Variants in ADAM22 observed in about 807,000 individuals in gnomAD.
ADAM22 encodes ADAM metallopeptidase domain 22, also known as disintegrin and metalloproteinase domain-containing protein 22.
Under a neutral mutation model 144.6 loss-of-function variants are expected in ADAM22, and 65 were observed. The ratio of observed to expected loss-of-function variants is 0.45; its 90% CI spans 0.37 to 0.55. The LOEUF (loss-of-function observed/expected upper bound fraction) is 0.55, where lower values mean the gene tolerates loss of function less well. Ranked by LOEUF, ADAM22 falls within the 20% of genes least tolerant of loss-of-function variation. The pLI, the probability that ADAM22 is intolerant of heterozygous loss-of-function variation, is 0.00. For missense variants in ADAM22, 974 were observed against 1,184.9 expected, an observed-to-expected ratio of 0.82 and a Z score of 2.61; for synonymous variants, 391 against 412.6, an observed-to-expected ratio of 0.95 and a Z score of 0.63.
intron 3 of ADAM22, among the ~76,000 whole-genome samples, chr7:88,039,958 T>C (rs1165045835): frequency 6.6e-6 from 1 of 151,884 alleles, no homozygotes; most frequent in African/African-American, 2.4e-5. Context: ...TATCCAAGCC[T>C]GAGTCAGTGT....
chr7:87,934,799 A>T (rs1474375606), intron 1 of ADAM22: 14 of 680,164 alleles, frequency 2.1e-5, no homozygotes, highest in Non-Finnish European at 4.9e-6. Context: ...GGAGAATGGG[A>T]AAGGGGTGCC....
At chr7:88,003,464 G>A (rs1413519282) in intron 3 of ADAM22, among the ~76,000 whole-genome samples, 2 of 152,194 alleles carry the variant, frequency 1.3e-5, no homozygotes, top group African/African-American at 4.8e-5. Context: ...AAACTTATTA[G>A]AAAATAGAGT....
At chr7:87,970,744 C>T (rs750123024) in intron 2 of ADAM22, among the ~76,000 whole-genome samples, 1 of 152,128 alleles carries the variant, frequency 6.6e-6, no homozygotes, top group Non-Finnish European at 1.5e-5. Context: ...ATATTAATTC[C>T]GCATTTTAAT....
chr7:88,162,990 T>A, intron 22 of ADAM22, 22 bp from the exon 23 acceptor site: 1 of 1,598,932 alleles, frequency 6.3e-7, no homozygotes, highest in South Asian at 1.1e-5. Flanking sequence ...AGATTCATTT[T>A]TTGCTCTCAA....
At chr7:88,061,989 G>C (rs1238663341) in intron 3 of ADAM22, among the ~76,000 whole-genome samples, 1 of 151,816 alleles carries the variant, frequency 6.6e-6, no homozygotes, top group Non-Finnish European at 1.5e-5. Flanking sequence ...CTACAGGTGT[G>C]TACCACCACA....
chr7:87,954,310 C>T (rs1846069994), intron 2 of ADAM22, among the ~76,000 whole-genome samples: 1 of 151,888 alleles, frequency 6.6e-6, no homozygotes. Flanking sequence ...TTAGTGCTTC[C>T]TTTAGGAGCT....
At chr7:87,965,160 T>C (rs911871533) in intron 2 of ADAM22, among the ~76,000 whole-genome samples, 2 of 152,220 alleles carry the variant, frequency 1.3e-5, no homozygotes, top group African/African-American at 4.8e-5. Context: ...ATTCTCTTGT[T>C]TGGTGTCCCA....
chr7:87,996,392 T>C (rs1160215290), intron 3 of ADAM22, among the ~76,000 whole-genome samples: 2 of 152,210 alleles, frequency 1.3e-5, no homozygotes, highest in Admixed American at 6.5e-5. Flanking sequence ...AGTTTGCAGA[T>C]AGCTACCTTC....
intron 3 of ADAM22, among the ~76,000 whole-genome samples, chr7:88,014,617 C>A (rs1796152368): frequency 6.6e-6 from 1 of 152,088 alleles, no homozygotes; most frequent in African/African-American, 2.4e-5. Flanking sequence ...GTGGCAGACA[C>A]CTGTAATCCC....
chr7:87,993,983 A>G (rs2021741), intron 3 of ADAM22, among the ~76,000 whole-genome samples: 79,265 of 152,006 alleles, frequency 0.52, 20,951 homozygotes, highest in Non-Finnish European at 0.53. Flanking sequence ...CATTTAGAGA[A>G]AAAACAAAAT....
intron 2 of ADAM22, among the ~76,000 whole-genome samples, chr7:87,955,931 C>G (rs1846593958): frequency 6.6e-6 from 1 of 152,204 alleles, no homozygotes; most frequent in Admixed American, 6.5e-5. Context: ...CCCTCTGAGC[C>G]AGGTGCGGGA....
intron 26 of ADAM22, among the ~76,000 whole-genome samples, chr7:88,176,629 G>A (rs556616310): frequency 3.9e-5 from 6 of 152,316 alleles, no homozygotes; most frequent in Admixed American, 2.0e-4. Context: ...CTCAGTGTCA[G>A]CTAAGTGAGG....
chr7:87,934,992 C>A (rs1458373144), intron 1 of ADAM22, 34 bp from the exon 2 acceptor site: 1 of 1,613,950 alleles, frequency 6.2e-7, no homozygotes, highest in South Asian at 1.1e-5. Flanking sequence ...CGCCTTTTCT[C>A]TCCACTCCCT....
chr7:87,960,890 G>A (rs982176028), intron 2 of ADAM22, among the ~76,000 whole-genome samples: 7 of 152,138 alleles, frequency 4.6e-5, no homozygotes, highest in Non-Finnish European at 1.0e-4. Flanking sequence ...AACATTTATT[G>A]AGGTCCTACT....
chr7:87,955,884 C>T (rs1447205690), intron 2 of ADAM22, among the ~76,000 whole-genome samples: 1 of 152,194 alleles, frequency 6.6e-6, no homozygotes, highest in Non-Finnish European at 1.5e-5. Context: ...TCTCAGACTG[C>T]TGTGCTAGCA....
Position 88,181,946 on chromosome 7 carries a change from C to T in ADAM22, c.2597-12C>T, listed in dbSNP as rs765537632. 18 of 1,611,434 alleles carry T rather than the reference C, an allele frequency of 1.1e-5. No homozygotes were observed. Among genetic ancestry groups the T allele is most frequent in the Middle Eastern group, 1.7e-4 (1 of 6,038 alleles). ...TTTACATGGAAATCTAGCTCTAAAC[C>T]GTCTTTTTCAGGTAACCTGGGAGGC... On this transcript the variant is annotated splice_polypyrimidine_tract_variant and intron_variant, in intron 28 of 31. Transcript: ENST00000413139.
intron 11 of ADAM22, chr7:88,131,652 T>A (rs1261182054): frequency 1.8e-6 from 1 of 551,734 alleles, no homozygotes; most frequent in African/African-American, 1.9e-5. Context: ...TAATGTTTAA[T>A]TTTTCAAGAT....
At chr7:87,950,345 A>T (rs1349723995) in intron 2 of ADAM22, among the ~76,000 whole-genome samples, 1 of 130,984 alleles carries the variant, frequency 7.6e-6, no homozygotes, top group Non-Finnish European at 1.5e-5. Context: ...GTGTCCATGT[A>T]TTCTCATTGT....
Position 88,010,727 on chromosome 7 carries a change from T to C in ADAM22, c.323+32315T>C, listed in dbSNP as rs549971013. Reference sequence around the variant, plus strand: ...AACATTGTGATTGGCATGTGGTGGGTTGGAATAGAAGAGCAGGTCCCCCAG... The same window carrying C: ...AACATTGTGATTGGCATGTGGTGGGCTGGAATAGAAGAGCAGGTCCCCCAG... On this transcript the variant is annotated intron_variant, in intron 3 of 31. Coordinates refer to ENST00000413139, the MANE Select transcript of ADAM22 (RefSeq NM_001324418.2). 2.0e-5 allele frequency among the ~76,000 whole-genome samples: 3 copies of C among 152,038 alleles called. No individual in the cohort carries two copies. In the East Asian group the frequency reaches 5.8e-4, roughly 29 times the overall value.
Sources: gnomAD v4.1 joint callset for allele counts (sites outside exome capture counted in the v4.1 genomes callset) on GRCh38, gnomAD v4.1.1 for gene constraint, MANE v1.5 for transcripts, NCBI Gene and HGNC (gene_info 2026-07-23, HGNC 2026-07-21) for gene names.